The following PLEKHA7 variants were observed in gnomAD, a reference collection of about 807,000 sequenced individuals.
PLEKHA7 encodes the protein pleckstrin homology domain-containing family A member 7.
In PLEKHA7, 104 loss-of-function variants were observed where a neutral mutation model predicts 170.0. The ratio of observed to expected loss-of-function variants is 0.61; its 90% CI spans 0.52 to 0.72. The LOEUF is 0.72. PLEKHA7 is among the 30% of genes least tolerant of loss of function. The pLI, the probability that PLEKHA7 is intolerant of heterozygous loss-of-function variation, is 0.00. For synonymous variants in PLEKHA7, 648 were observed against 660.8 expected, an observed-to-expected ratio of 0.98 and a Z score of 0.30; for missense variants, 1,615 against 1,671.7, an observed-to-expected ratio of 0.97 and a Z score of 0.59.
chr11:16,787,806 C>T (rs1849501326), intron 23 of PLEKHA7: 2 of 152,140 alleles, frequency 1.3e-5, no homozygotes, highest in African/African-American at 4.8e-5. Flanking sequence ...TCAGTGTTAC[C>T]CCATATGACA....
At chr11:16,804,415 G>A (rs1460642469) in intron 13 of PLEKHA7, among the ~76,000 whole-genome samples, 1 of 152,108 alleles carries the variant, frequency 6.6e-6, no homozygotes, top group Non-Finnish European at 1.5e-5. Flanking sequence ...GTGTGGATTG[G>A]GGGTGGAAAT....
rs563351176 is a variant in PLEKHA7 at position 16,885,346 on chromosome 11, T to A, written c.222-14164A>T. Among the ~76,000 whole-genome samples, 32 of 149,322 alleles carry A rather than the reference T, an allele frequency of 2.1e-4. 1 individual carries two copies. In the South Asian group the frequency reaches 5.5e-3, roughly 26 times the overall value. ...CTCCATCTCAAAAAAAAAAAAAAAATTCATATGTAAAAGTAAAAACTAAAG... is the reference window on the plus strand; with the variant it reads ...CTCCATCTCAAAAAAAAAAAAAAAAATCATATGTAAAAGTAAAAACTAAAG... On this transcript the variant is annotated intron_variant, in intron 3 of 26. Coordinates refer to ENST00000531066, the MANE Select transcript of PLEKHA7 (RefSeq NM_001329630.2).
At chr11:16,971,854 C>T (rs749972115) in intron 3 of PLEKHA7, among the ~76,000 whole-genome samples, 1 of 151,798 alleles carries the variant, frequency 6.6e-6, no homozygotes, top group Non-Finnish European at 1.5e-5. Flanking sequence ...GACAGGGCCT[C>T]GCTCTGTCCT....
chr11:16,860,070 T>C (rs989566008), intron 4 of PLEKHA7, among the ~76,000 whole-genome samples: 1 of 152,154 alleles, frequency 6.6e-6, no homozygotes, highest in Non-Finnish European at 1.5e-5. Context: ...GAGCTAGAGT[T>C]TGAACCCAAC....
At chr11:16,893,669 T>A (rs933992061) in intron 3 of PLEKHA7, among the ~76,000 whole-genome samples, 1 of 152,178 alleles carries the variant, frequency 6.6e-6, no homozygotes, top group Non-Finnish European at 1.5e-5. Flanking sequence ...AAAAGTCTGC[T>A]GTATGAGCTC....
chr11:16,888,044 C>G (rs1408570321), intron 3 of PLEKHA7, among the ~76,000 whole-genome samples: 8 of 150,108 alleles, frequency 5.3e-5, no homozygotes, highest in African/African-American at 2.0e-4. Context: ...GCCTGGCCGC[C>G]ACCCCGTTCT....
At chr11:16,903,808 C>A (rs1857487870) in intron 3 of PLEKHA7, among the ~76,000 whole-genome samples, 1 of 152,214 alleles carries the variant, frequency 6.6e-6, no homozygotes, top group South Asian at 2.1e-4. Context: ...GAAAACTCTT[C>A]CATGCCTTCC....
intron 3 of PLEKHA7, among the ~76,000 whole-genome samples, chr11:16,923,043 T>C (rs1440534778): frequency 6.6e-6 from 1 of 152,162 alleles, no homozygotes; most frequent in Non-Finnish European, 1.5e-5. Flanking sequence ...CATTCCACAG[T>C]CTGATACCTG....
At chr11:16,852,247 C>T (rs777031867) in intron 7 of PLEKHA7, 36 bp downstream of exon 7, 1 of 1,595,456 alleles carries the variant, frequency 6.3e-7, no homozygotes, top group East Asian at 2.2e-5. Flanking sequence ...TAAAACTGAA[C>T]ACTTCGGCAG....
chr11:16,790,194 CCT>C lies in PLEKHA7; in HGVS notation c.3053-318_3053-317del, dbSNP rs200287450. 1,438 of 379,450 alleles carry C rather than the reference CCT, an allele frequency of 3.8e-3. 20 individuals are homozygous for C. Among genetic ancestry groups the C allele is most frequent in the African/African-American group, 0.027 (1,313 of 48,616 alleles). 23.5% of individuals were successfully genotyped at this position (379,450 alleles called of 1,614,324 possible). ...GGCGGGGCAGGAATGCCTTTCACCC[CCT>C]GATCCATTCTTAGGCACCCTGCACA... On this transcript the variant is annotated intron_variant, in intron 21 of 26. Transcript: ENST00000531066.
At chr11:16,859,483 T>C (rs1247238912) in intron 4 of PLEKHA7, among the ~76,000 whole-genome samples, 2 of 152,248 alleles carry the variant, frequency 1.3e-5, no homozygotes, top group Non-Finnish European at 2.9e-5. Flanking sequence ...TGGAAACTTC[T>C]AGTGGTGATT....
chr11:16,873,360 C>A (rs1855021201), intron 3 of PLEKHA7, among the ~76,000 whole-genome samples: 1 of 152,152 alleles, frequency 6.6e-6, no homozygotes, highest in East Asian at 1.9e-4. Flanking sequence ...GCAGCCTGAA[C>A]CCTAACAAGC....
rs557830696 is a variant in PLEKHA7 at position 16,944,544 on chromosome 11, A to T, written c.221+69445T>A. On this transcript the variant is annotated intron_variant, in intron 3 of 26. Transcript: ENST00000531066. ...AAAAAAAATTAAAGTTCTTCTCCTT[A>T]AAAAAAAAAAAAAAAATTCAATGTG... Among the ~76,000 whole-genome samples the T allele has an allele frequency of 5.7e-3, 298 of 52,402 alleles. 2 individuals are homozygous for T. Among genetic ancestry groups the T allele is most frequent in the African/African-American group, 0.032 (284 of 8,854 alleles). 34.4% of individuals were successfully genotyped at this position (52,402 alleles called of 152,430 possible).
At chr11:16,858,489 C>A (rs1853657075) in intron 4 of PLEKHA7, among the ~76,000 whole-genome samples, 1 of 150,182 alleles carries the variant, frequency 6.7e-6, no homozygotes, top group Non-Finnish European at 1.5e-5. Flanking sequence ...CAATCTTTAA[C>A]AAATTTTTTT....
intron 8 of PLEKHA7, among the ~76,000 whole-genome samples, chr11:16,844,926 A>G (rs1852267322): frequency 1.3e-5 from 2 of 152,250 alleles, no homozygotes; most frequent in Non-Finnish European, 2.9e-5. Flanking sequence ...AAGGCACCCT[A>G]CCAAAGTTGG....
chr11:16,891,587 A>G (rs61475718), intron 3 of PLEKHA7, among the ~76,000 whole-genome samples: 84 of 152,294 alleles, frequency 5.5e-4, no homozygotes, highest in Middle Eastern at 6.8e-3. Context: ...TTTACTACAA[A>G]TCCAATTAGT....
intron 3 of PLEKHA7, among the ~76,000 whole-genome samples, chr11:16,951,033 C>T (rs990887658): frequency 6.6e-6 from 1 of 152,204 alleles, no homozygotes; most frequent in Non-Finnish European, 1.5e-5. Context: ...CAACATCCTT[C>T]TATTCTTTTA....
chr11:16,917,602 T>TA (rs145506304), intron 3 of PLEKHA7, among the ~76,000 whole-genome samples: 1,819 of 152,334 alleles, frequency 0.012, 43 homozygotes, highest in African/African-American at 0.042. Flanking sequence ...TTCCTTCCCT[T>TA]ACTCTGATCT....
chr11:16,838,976 G>A (rs568831671), intron 9 of PLEKHA7, among the ~76,000 whole-genome samples: 13 of 152,156 alleles, frequency 8.5e-5, no homozygotes, highest in South Asian at 2.1e-4. Context: ...GTGAGCCACC[G>A]CACCCGGCCA....
Sources: gnomAD v4.1 joint callset for allele counts (sites outside exome capture counted in the v4.1 genomes callset) on GRCh38, gnomAD v4.1.1 for gene constraint, MANE v1.5 for transcripts, NCBI Gene and HGNC (gene_info 2026-07-23, HGNC 2026-07-21) for gene names.